Variants in CTNNA3 observed in about 807,000 individuals in gnomAD.
CTNNA3 encodes the protein catenin alpha 3, also known as catenin alpha-3.
In CTNNA3, 76 loss-of-function variants were observed where a neutral mutation model predicts 95.7. That is an observed-to-expected ratio of 0.79 (90% CI 0.66 to 0.96). The LOEUF is 0.96. Among genes scored for constraint, CTNNA3 ranks in the 40% least tolerant of loss-of-function variants. The probability of loss-of-function intolerance (pLI) is 0.00; values close to 1 mark genes in which losing one functional copy is unlikely to be tolerated. For synonymous variants in CTNNA3, 431 were observed against 374.4 expected (o/e 1.15, Z -1.74); for missense variants, 1,191 against 1,089.8 (o/e 1.09, Z -1.31).
chr10:67,537,992 CT>C (rs1337499500), intron 4 of CTNNA3, among the ~76,000 whole-genome samples: 1 of 150,628 alleles, frequency 6.6e-6, no homozygotes, highest in Non-Finnish European at 1.5e-5. Context: ...TTGAATTGCT[CT>C]TTTTACTGTA....
intron 7 of CTNNA3, among the ~76,000 whole-genome samples, chr10:67,025,569 CT>C (rs147653841): frequency 0.021 from 3,259 of 152,182 alleles, 52 homozygotes; most frequent in Non-Finnish European, 0.033. Flanking sequence ...TGCAATGTTA[CT>C]GAGAATAGCT....
intron 1 of CTNNA3, among the ~76,000 whole-genome samples, chr10:67,691,461 G>C (rs541413475): frequency 1.3e-5 from 2 of 151,500 alleles, no homozygotes; most frequent in Non-Finnish European, 2.9e-5. Context: ...GCCTCTTCCC[G>C]GCCACCATCA....
intron 9 of CTNNA3, among the ~76,000 whole-genome samples, chr10:66,680,007 C>CT (rs1589114505): frequency 6.6e-6 from 1 of 151,764 alleles, no homozygotes; most frequent in Non-Finnish European, 1.5e-5. Flanking sequence ...TGAGCAGTAT[C>CT]TTTTTTTTGA....
chr10:66,249,196 C>T (rs758504978), intron 13 of CTNNA3, among the ~76,000 whole-genome samples: 1 of 152,078 alleles, frequency 6.6e-6, no homozygotes, highest in Non-Finnish European at 1.5e-5. Context: ...GGGAAACTCT[C>T]CAGAACATGA....
chr10:66,050,048 A>G (rs529812802), intron 15 of CTNNA3, among the ~76,000 whole-genome samples: 1 of 152,298 alleles, frequency 6.6e-6, no homozygotes, highest in East Asian at 1.9e-4. Context: ...GTATTACAAT[A>G]TATTATATTT....
chr10:67,761,465 C>G (rs527649076), intron 1 of CTNNA3, among the ~76,000 whole-genome samples: 7 of 152,350 alleles, frequency 4.6e-5, no homozygotes, highest in Admixed American at 3.3e-4. Flanking sequence ...ATCACATGCC[C>G]TGTTCCTCCC....
intron 7 of CTNNA3, among the ~76,000 whole-genome samples, chr10:67,074,276 C>T (rs575362630): frequency 1.4e-3 from 214 of 151,202 alleles, no homozygotes; most frequent in African/African-American, 4.8e-3. Context: ...ATGATCTGCC[C>T]GCCTTGGCCC....
rs551257474 is a variant in CTNNA3 at position 66,289,307 on chromosome 10, G to C, written c.1733-8686C>G. The stretch of plus-strand genomic sequence containing the variant: ...ACAAGGTTAAGATTTTTAAAGAACA[G>C]GCCAGGCGTGGTGGCTCATGCCTGT... On this transcript the variant is annotated intron_variant, in intron 12 of 17. Coordinates refer to ENST00000433211, the MANE Select transcript of CTNNA3 (RefSeq NM_013266.4). Among the ~76,000 whole-genome samples the C allele has an allele frequency of 2.9e-4, 23 of 78,232 alleles. No homozygotes were observed. The South Asian group carries it at 8.6e-3, about 29-fold the overall frequency. 51.3% of individuals were successfully genotyped at this position (78,232 alleles called of 152,430 possible).
chr10:67,727,900 T>C (rs186808569), intron 1 of CTNNA3, among the ~76,000 whole-genome samples: 13,064 of 130,592 alleles, frequency 0.1, 763 homozygotes, highest in African/African-American at 0.19. Context: ...ATATTATGTA[T>C]AATATATTAT....
At position 66,881,399 on chromosome 10, in the gene CTNNA3, T is replaced by C. The variant is rs371123114; in HGVS notation, c.1048-105875A>G. 2.0e-5 allele frequency among the ~76,000 whole-genome samples: 3 copies of C among 152,140 alleles called. No individual in the cohort carries two copies. In the East Asian group the frequency reaches 5.8e-4, roughly 29 times the overall value. On this transcript the variant is annotated intron_variant, in intron 7 of 17. Transcript: ENST00000433211. ...CAGAGCTGTGTCCTCTGTCATGATGTAGCTGAATACCCTGTGTGCTGGATT... is the reference window on the plus strand; with the variant it reads ...CAGAGCTGTGTCCTCTGTCATGATGCAGCTGAATACCCTGTGTGCTGGATT...
chr10:66,011,772 C>T (rs2133394073), intron 15 of CTNNA3, among the ~76,000 whole-genome samples: 1 of 152,284 alleles, frequency 6.6e-6, no homozygotes, highest in East Asian at 1.9e-4. Flanking sequence ...AACTCTCTTT[C>T]TCTTGTTTTA....
chr10:66,557,887 T>C (rs1185027466), intron 10 of CTNNA3, among the ~76,000 whole-genome samples: 1 of 152,170 alleles, frequency 6.6e-6, no homozygotes. Flanking sequence ...GTTGGTTTTA[T>C]ATGTTTCATT....
chr10:66,129,646 C>G (rs892377973), intron 13 of CTNNA3, among the ~76,000 whole-genome samples: 1 of 152,226 alleles, frequency 6.6e-6, no homozygotes, highest in South Asian at 2.1e-4. Context: ...CCAGCCTGGC[C>G]GTGCCTGCTT....
At chr10:67,727,595 TATATC>T (rs1350463891) in intron 1 of CTNNA3, among the ~76,000 whole-genome samples, 1 of 129,008 alleles carries the variant, frequency 7.8e-6, no homozygotes, top group African/African-American at 2.9e-5. Flanking sequence ...ATATATATCA[TATATC>T]ATATATTATA....
At chr10:66,456,470 C>G (rs972157235) in intron 11 of CTNNA3, among the ~76,000 whole-genome samples, 5 of 152,096 alleles carry the variant, frequency 3.3e-5, no homozygotes, top group African/African-American at 4.8e-5. Flanking sequence ...ACAACCTGAC[C>G]TGGAGTTTGA....
At chr10:66,559,781 C>A (rs953402613) in intron 10 of CTNNA3, among the ~76,000 whole-genome samples, 1 of 152,020 alleles carries the variant, frequency 6.6e-6, no homozygotes, top group South Asian at 2.1e-4. Flanking sequence ...CTTCTACCCT[C>A]TTGACCAAAT....
At chr10:66,106,912 C>T (rs989218563) in intron 13 of CTNNA3, among the ~76,000 whole-genome samples, 11 of 143,588 alleles carry the variant, frequency 7.7e-5, no homozygotes, top group Admixed American at 2.2e-4. Flanking sequence ...TTACTAGTTG[C>T]CTCTAGTTAC....
chr10:66,248,815 A>C (rs928714026), intron 13 of CTNNA3, among the ~76,000 whole-genome samples: 2 of 152,188 alleles, frequency 1.3e-5, no homozygotes. Flanking sequence ...TCAACACCTC[A>C]CTTTTAGTAT....
chr10:66,754,656 A>G (rs1345666664), intron 9 of CTNNA3, among the ~76,000 whole-genome samples: 1 of 152,148 alleles, frequency 6.6e-6, no homozygotes, highest in African/African-American at 2.4e-5. Context: ...AAAAATGGGC[A>G]AAGGATCCAA....
Sources: gnomAD v4.1 joint callset for allele counts (sites outside exome capture counted in the v4.1 genomes callset) on GRCh38, gnomAD v4.1.1 for gene constraint, MANE v1.5 for transcripts, NCBI Gene and HGNC (gene_info 2026-07-23, HGNC 2026-07-21) for gene names.